The following SLC6A17 variants were observed in gnomAD, a reference collection of about 807,000 sequenced individuals.
SLC6A17 encodes the protein solute carrier family 6 member 17, also known as sodium-dependent neutral amino acid transporter SLC6A17.
A neutral mutation model predicts 64.5 loss-of-function variants in SLC6A17; 21 were observed. That is an observed-to-expected ratio of 0.33 (90% CI 0.23 to 0.47). The LOEUF (loss-of-function observed/expected upper bound fraction) is 0.47, where lower values mean the gene tolerates loss of function less well. SLC6A17 is among the 20% of genes least tolerant of loss of function. SLC6A17 has a pLI of 1.00. For missense variants in SLC6A17, 682 were observed against 963.2 expected, an observed-to-expected ratio of 0.71 and a Z score of 3.86; for synonymous variants, 372 against 399.5, an observed-to-expected ratio of 0.93 and a Z score of 0.82.
At chr1:110,173,631 T>G (rs1310721928) in intron 3 of SLC6A17, among the ~76,000 whole-genome samples, 1 of 152,222 alleles carries the variant, frequency 6.6e-6, no homozygotes, top group Non-Finnish European at 1.5e-5. Flanking sequence ...TCTCTGTCAT[T>G]ACAATCCCCA....
chr1:110,160,506 C>T (rs1655877784), intron 1 of SLC6A17, among the ~76,000 whole-genome samples: 1 of 152,244 alleles, frequency 6.6e-6, no homozygotes, highest in Admixed American at 6.5e-5. Flanking sequence ...AAGCTGAATG[C>T]ACCTTCGCTC....
intron 6 of SLC6A17, among the ~76,000 whole-genome samples, chr1:110,188,667 C>T (rs1157683992): frequency 6.6e-6 from 1 of 152,192 alleles, no homozygotes; most frequent in African/African-American, 2.4e-5. Flanking sequence ...CCGATCCCTA[C>T]CCTCCAGCTT....
At chr1:110,173,268 C>T (rs1026611277) in intron 3 of SLC6A17, among the ~76,000 whole-genome samples, 2 of 152,254 alleles carry the variant, frequency 1.3e-5, no homozygotes, top group East Asian at 1.9e-4. Context: ...GCCCTCAGCT[C>T]TCACACTGGC....
rs1656331198 is a variant in SLC6A17 at position 110,174,869 on chromosome 1, G to A, written c.662G>A (p.Gly221Glu). Residue 221 changes from glycine to glutamate, a missense_variant, in exon 5 of 12, where the codon GGG (glycine) becomes GAG (glutamate). By Grantham distance (98) the Gly-to-Glu change is moderately conservative. Around this residue, in one of 3 missense-constraint regions of SLC6A17, gnomAD observed 415 missense variants for 603.8 expected, o/e 0.69. Transcript: ENST00000331565. ...LDISDSISESGGLNWKMTLCL... is the reference protein window; with the variant it reads ...LDISDSISESEGLNWKMTLCL... The stretch of plus-strand genomic sequence containing the variant: ...ATCTCTGACTCCATCTCGGAGAGTG[G>A]GGGCCTCAACTGGAAGATGACCCTG... 1 of 1,614,212 alleles carries A rather than the reference G, an allele frequency of 6.2e-7. No individual in the cohort carries two copies. Among genetic ancestry groups the A allele is most frequent in the Non-Finnish European group, 8.5e-7 (1 of 1,180,034 alleles).
chr1:110,174,646 T>A (rs551521028), intron 4 of SLC6A17, 133 bp from the exon 5 acceptor site: 131 of 1,122,244 alleles, frequency 1.2e-4, no homozygotes, highest in Admixed American at 2.8e-4. Context: ...TAACCCAAGA[T>A]GAGCACAGCC....
At chr1:110,164,541 C>T (rs368059930) in intron 1 of SLC6A17, among the ~76,000 whole-genome samples, 35 of 152,336 alleles carry the variant, frequency 2.3e-4, no homozygotes, top group African/African-American at 8.4e-4. Flanking sequence ...CCCAGTGCCT[C>T]AGCCTGGAGG....
intron 1 of SLC6A17, among the ~76,000 whole-genome samples, chr1:110,151,721 G>C (rs910092962): frequency 2.6e-5 from 4 of 152,100 alleles, no homozygotes; most frequent in Admixed American, 2.6e-4. Context: ...AAATCCCAAG[G>C]CCATTCACCT....
At chr1:110,185,718 C>T (rs925481566) in intron 6 of SLC6A17, among the ~76,000 whole-genome samples, 4 of 152,296 alleles carry the variant, frequency 2.6e-5, no homozygotes, top group Admixed American at 6.5e-5. Flanking sequence ...TGAATCTGGC[C>T]GGGGGTTCAT....
chr1:110,193,725 G>A (rs1364255948), intron 8 of SLC6A17, among the ~76,000 whole-genome samples: 1 of 152,236 alleles, frequency 6.6e-6, no homozygotes, highest in Non-Finnish European at 1.5e-5. Context: ...TTCTTCCCCA[G>A]GTAACTGGCA....
At chr1:110,167,874 A>C (rs962256467) in intron 2 of SLC6A17, among the ~76,000 whole-genome samples, 1 of 152,196 alleles carries the variant, frequency 6.6e-6, no homozygotes, top group African/African-American at 2.4e-5. Flanking sequence ...TCAAGGTTAC[A>C]GCTAGTGATA....
chr1:110,157,400 C>A (rs934393929), intron 1 of SLC6A17, among the ~76,000 whole-genome samples: 1 of 152,048 alleles, frequency 6.6e-6, no homozygotes, highest in Non-Finnish European at 1.5e-5. Flanking sequence ...TGGTGAAACC[C>A]TGTCTCTACT....
chr1:110,184,759 A>G (rs1570996154), intron 6 of SLC6A17, among the ~76,000 whole-genome samples: 1 of 152,274 alleles, frequency 6.6e-6, no homozygotes, highest in East Asian at 1.9e-4. Flanking sequence ...AGAGGAACAC[A>G]CCCACACATA....
chr1:110,176,416 C>T (rs1267861236), intron 5 of SLC6A17, among the ~76,000 whole-genome samples: 1 of 152,192 alleles, frequency 6.6e-6, no homozygotes, highest in Non-Finnish European at 1.5e-5. Context: ...CAACCCCGGG[C>T]ACAGCCATGC....
Position 110,187,119 on chromosome 1 carries a change from TA to T in SLC6A17, c.865-4844del, listed in dbSNP as rs71580524. ...GTGACCAGAGCTGTGTTCATCTTGT[TA>T]AAAAAAAACAAAAACAAAAACAAAA... On this transcript the variant is annotated intron_variant, in intron 6 of 11. Transcript: ENST00000331565. 6.6e-4 allele frequency among the ~76,000 whole-genome samples: 55 copies of T among 83,284 alleles called. No homozygotes were observed. The East Asian group carries it at 0.019, about 29-fold the overall frequency. 54.6% of individuals were successfully genotyped at this position (83,284 alleles called of 152,430 possible). A position where few individuals can be genotyped will look rare whatever the true frequency, so the allele number is the denominator to read the frequency against.
chr1:110,176,245 A>G (rs917927152), intron 5 of SLC6A17, among the ~76,000 whole-genome samples: 2 of 152,094 alleles, frequency 1.3e-5, no homozygotes, highest in African/African-American at 4.8e-5. Context: ...TCTTCCGTCA[A>G]AGGAGCTCTA....
intron 6 of SLC6A17, among the ~76,000 whole-genome samples, chr1:110,179,563 TC>T (rs1656465303): frequency 2.8e-5 from 2 of 71,414 alleles, no homozygotes; most frequent in Non-Finnish European, 5.7e-5. Context: ...CCCCTTCCTT[TC>T]TTTTTTGAGT....
chr1:110,192,393 C>T lies in SLC6A17; in HGVS notation c.1107-113C>T. On this transcript the variant is annotated intron_variant, in intron 7 of 11. Coordinates refer to ENST00000331565, the MANE Select transcript of SLC6A17 (RefSeq NM_001010898.4). This position sits in a 1 kb window ranked among gnomAD's most constrained non-coding sequence, Gnocchi z 4.3. ...GGCCACAGGGACAAGCTCAGAGATG[C>T]CTCTGTCAGTGACCCATGAGGTTCC... The T allele has an allele frequency of 6.9e-7, 1 of 1,446,534 alleles. No individual in the cohort carries two copies. Among genetic ancestry groups the T allele is most frequent in the Non-Finnish European group, 9.4e-7 (1 of 1,068,738 alleles). 89.6% of individuals were successfully genotyped at this position (1,446,534 alleles called of 1,614,324 possible). A position where few individuals can be genotyped will look rare whatever the true frequency, so the allele number is the denominator to read the frequency against.
rs1364682321 is a variant in SLC6A17, at chr1:110,201,304, G to A, written c.*2860G>A. On this transcript the variant is annotated 3_prime_UTR_variant, in exon 12 of 12. Transcript: ENST00000331565. ...GGGTCACCTGATGAGCTAAGATCCA[G>A]CCCCAGAATCCTGGAGGAGCAGGAG... The A allele has an allele frequency of 6.6e-6, 1 of 152,212 alleles. No homozygotes were observed. Among genetic ancestry groups the A allele is most frequent in the Non-Finnish European group, 1.5e-5 (1 of 68,086 alleles). 9.4% of individuals were successfully genotyped at this position (152,212 alleles called of 1,614,324 possible).
At chr1:110,191,353 C>T (rs1011511112) in intron 6 of SLC6A17, among the ~76,000 whole-genome samples, 2 of 152,180 alleles carry the variant, frequency 1.3e-5, no homozygotes, top group Non-Finnish European at 2.9e-5. Context: ...TGTTGCAGTT[C>T]GGGCTCCTGT....
Sources: gnomAD v4.1 joint callset for allele counts (sites outside exome capture counted in the v4.1 genomes callset) on GRCh38, gnomAD v4.1.1 for gene constraint, gnomAD v4.1.1 regional missense constraint, Gnocchi (gnomAD v3.1) non-coding constraint, MANE v1.5 for transcripts, NCBI Gene and HGNC (gene_info 2026-07-23, HGNC 2026-07-21) for gene names.